ZRANB3: variants seen among roughly 807,000 people sequenced by gnomAD.
ZRANB3 encodes DNA annealing helicase and endonuclease ZRANB3.
A neutral mutation model predicts 133.8 loss-of-function variants in ZRANB3; 125 were observed. The observed-to-expected ratio is 0.93, with a 90% CI of 0.81 to 1.08. The LOEUF is 1.08. ZRANB3 is among the 50% of genes least tolerant of loss of function. The probability of loss-of-function intolerance (pLI) is 0.00; values close to 1 mark genes in which losing one functional copy is unlikely to be tolerated. For missense variants in ZRANB3, 1,229 were observed against 1,275.5 expected, an observed-to-expected ratio of 0.96 and a Z score of 0.56; for synonymous variants, 387 against 432.7, an observed-to-expected ratio of 0.89 and a Z score of 1.31.
At chr2:135,390,874 T>C in intron 2 of ZRANB3, 54 bp from the exon 3 acceptor site, 2 of 1,480,678 alleles carry the variant, frequency 1.4e-6, no homozygotes, top group Non-Finnish European at 1.8e-6. Context: ...TTTTCCTTTT[T>C]TTTTTGAGAT....
At chr2:135,395,238 T>C (rs1237958595) in intron 2 of ZRANB3, among the ~76,000 whole-genome samples, 2 of 151,930 alleles carry the variant, frequency 1.3e-5, no homozygotes, top group Admixed American at 6.6e-5. Flanking sequence ...GTCAGAAACA[T>C]ACACTGGGAG....
chr2:135,220,949 C>G (rs931323705), intron 15 of ZRANB3, among the ~76,000 whole-genome samples: 1 of 151,366 alleles, frequency 6.6e-6, no homozygotes, highest in East Asian at 2.0e-4. Flanking sequence ...CTGTACCTCC[C>G]GGGTTCAAGC....
chr2:135,383,087 A>T (rs1686797980), intron 3 of ZRANB3, among the ~76,000 whole-genome samples: 1 of 152,188 alleles, frequency 6.6e-6, no homozygotes, highest in African/African-American at 2.4e-5. Context: ...AGTGTGCTGT[A>T]TTCAGGAAGC....
chr2:135,233,765 A>T (rs906868402), intron 12 of ZRANB3, among the ~76,000 whole-genome samples: 1 of 152,136 alleles, frequency 6.6e-6, no homozygotes, highest in Non-Finnish European at 1.5e-5. Flanking sequence ...TCACCACCAG[A>T]CCTGCCCTAA....
chr2:135,456,367 C>T (rs1264282121), intron 2 of ZRANB3, among the ~76,000 whole-genome samples: 5 of 152,116 alleles, frequency 3.3e-5, no homozygotes, highest in Admixed American at 3.3e-4. Flanking sequence ...GTGTCTTCTG[C>T]TAATATTTCA....
intron 12 of ZRANB3, among the ~76,000 whole-genome samples, chr2:135,251,120 A>T (rs1049661721): frequency 5.9e-5 from 9 of 152,210 alleles, no homozygotes; most frequent in African/African-American, 2.2e-4. Flanking sequence ...TAAGACCTGG[A>T]GTTGAAGGAG....
chr2:135,406,049 GAAC>G (rs1688007268), intron 2 of ZRANB3, among the ~76,000 whole-genome samples: 1 of 151,974 alleles, frequency 6.6e-6, no homozygotes, highest in Non-Finnish European at 1.5e-5. Context: ...TTTTTGAGAA[GAAC>G]AACAAAATTG....
At chr2:135,333,293 A>ATTTCCAAAT (rs1294740480) in intron 6 of ZRANB3, among the ~76,000 whole-genome samples, 3 of 152,226 alleles carry the variant, frequency 2.0e-5, no homozygotes, top group African/African-American at 4.8e-5. Context: ...CCGAAAGTAC[A>ATTTCCAAAT]GTATATTTCC....
intron 6 of ZRANB3, among the ~76,000 whole-genome samples, chr2:135,342,219 T>C (rs556365706): frequency 2.0e-5 from 3 of 149,614 alleles, no homozygotes; most frequent in East Asian, 3.9e-4. Context: ...AGCCAACACT[T>C]AGGGAAAATA....
chr2:135,406,346 A>C (rs1244983711), intron 2 of ZRANB3, among the ~76,000 whole-genome samples: 1 of 152,308 alleles, frequency 6.6e-6, no homozygotes, highest in East Asian at 1.9e-4. Flanking sequence ...TACCAACCAA[A>C]AAAAGCCCAG....
chr2:135,381,272 T>A (rs180950992), intron 3 of ZRANB3, among the ~76,000 whole-genome samples: 83 of 152,234 alleles, frequency 5.5e-4, no homozygotes, highest in Admixed American at 3.7e-3. Context: ...CAGTCTGAGA[T>A]CGAACTGTAA....
At chr2:135,224,190 A>AGAT (rs1299906690) in intron 15 of ZRANB3, among the ~76,000 whole-genome samples, 2 of 152,242 alleles carry the variant, frequency 1.3e-5, no homozygotes, top group African/African-American at 2.4e-5. Flanking sequence ...AATGTGTCCA[A>AGAT]GATTACATAC....
At chr2:135,347,594 T>C (rs1447938140) in intron 5 of ZRANB3, among the ~76,000 whole-genome samples, 2 of 152,264 alleles carry the variant, frequency 1.3e-5, no homozygotes. Flanking sequence ...TTTTCAGTTC[T>C]CTTGGGTATA....
chr2:135,318,296 A>G (rs1165490209), intron 6 of ZRANB3, among the ~76,000 whole-genome samples: 2 of 149,740 alleles, frequency 1.3e-5, no homozygotes, highest in South Asian at 2.1e-4. Context: ...AGATTCTGAG[A>G]CTAGGAAACA....
chr2:135,449,297 A>G (rs1403373781), intron 2 of ZRANB3, among the ~76,000 whole-genome samples: 1 of 152,200 alleles, frequency 6.6e-6, no homozygotes, highest in Non-Finnish European at 1.5e-5. Context: ...CTGAACCATT[A>G]CAGATAATAA....
chr2:135,419,012 G>A (rs1022840142), intron 2 of ZRANB3, among the ~76,000 whole-genome samples: 1 of 132,740 alleles, frequency 7.5e-6, no homozygotes, highest in East Asian at 2.5e-4. Context: ...ATCTCGGCTC[G>A]CTGCAATCTC....
intron 2 of ZRANB3, among the ~76,000 whole-genome samples, chr2:135,399,900 T>C (rs191865588): frequency 3.3e-5 from 5 of 152,312 alleles, no homozygotes; most frequent in Admixed American, 2.0e-4. Context: ...GAAAAGGTTT[T>C]CGTATTTTTC....
chr2:135,417,898 G>A (rs1486363975), intron 2 of ZRANB3, among the ~76,000 whole-genome samples: 1 of 152,122 alleles, frequency 6.6e-6, no homozygotes, highest in African/African-American at 2.4e-5. Flanking sequence ...CTCATAGATG[G>A]GAATTGAACA....
intron 3 of ZRANB3, among the ~76,000 whole-genome samples, chr2:135,378,870 T>G (rs57692778): frequency 6.6e-6 from 1 of 151,970 alleles, no homozygotes; most frequent in Non-Finnish European, 1.5e-5. Flanking sequence ...AAACAAACAG[T>G]GTGTGAGAAA....
Sources: allele counts gnomAD v4.1 joint callset (sites outside exome capture counted in the v4.1 genomes callset), GRCh38; gene constraint gnomAD v4.1.1; transcripts MANE v1.5; gene names NCBI Gene and HGNC (gene_info 2026-07-23, HGNC 2026-07-21).